Variants in KCNH1 observed in about 807,000 individuals in gnomAD.
KCNH1 encodes the protein voltage-gated delayed rectifier potassium channel KCNH1.
In KCNH1, 27 loss-of-function variants were observed where a neutral mutation model predicts 69.2. The observed-to-expected ratio is 0.39, with a 90% CI of 0.29 to 0.54. KCNH1 has a LOEUF of 0.54. KCNH1 is among the 20% of genes least tolerant of loss of function. The pLI is 0.68. For missense variants in KCNH1, 798 were observed against 1,261.6 expected (o/e 0.63, Z 5.57); for synonymous variants, 456 against 487.7 (o/e 0.93, Z 0.86).
intron 10 of KCNH1, among the ~76,000 whole-genome samples, chr1:210,763,333 T>A (rs1259100366): frequency 6.6e-6 from 1 of 152,130 alleles, no homozygotes; most frequent in Non-Finnish European, 1.5e-5. Context: ...ATGTTCACTC[T>A]CATCACTCCT....
intron 5 of KCNH1, among the ~76,000 whole-genome samples, chr1:211,041,313 G>C (rs1689991111): frequency 6.6e-6 from 1 of 152,134 alleles, no homozygotes. Flanking sequence ...CTCCTTGCTT[G>C]GCTTTCCTAA....
chr1:210,751,090 T>C (rs994296550), intron 10 of KCNH1, among the ~76,000 whole-genome samples: 3 of 152,142 alleles, frequency 2.0e-5, no homozygotes, highest in Admixed American at 6.5e-5. Flanking sequence ...GGAGGAGGCA[T>C]CTTTGAGTTG....
At chr1:210,780,811 G>A (rs576043212) in intron 9 of KCNH1, among the ~76,000 whole-genome samples, 1 of 152,172 alleles carries the variant, frequency 6.6e-6, no homozygotes, top group East Asian at 1.9e-4. Flanking sequence ...ACTTTGGGAG[G>A]CCGAGGCGGG....
intron 9 of KCNH1, among the ~76,000 whole-genome samples, chr1:210,791,885 CTG>C: frequency 1.3e-5 from 2 of 152,244 alleles, no homozygotes; most frequent in East Asian, 3.9e-4. Context: ...AAATTAGGAA[CTG>C]TGACAAGGAG....
At chr1:211,019,297 T>A in intron 5 of KCNH1, 41 bp from the exon 6 acceptor site, 1 of 1,327,732 alleles carries the variant, frequency 7.5e-7, no homozygotes, top group Non-Finnish European at 1.0e-6. Context: ...TAAGTTAGGA[T>A]TTAATTGCAA....
chr1:211,028,933 C>T (rs1689732023), intron 5 of KCNH1, among the ~76,000 whole-genome samples: 2 of 151,944 alleles, frequency 1.3e-5, no homozygotes, highest in Admixed American at 1.3e-4. Context: ...TACCCTGATT[C>T]CCAAAACCAA....
At chr1:210,803,703 CCTG>C (rs1684473702) in intron 8 of KCNH1, among the ~76,000 whole-genome samples, 3 of 152,280 alleles carry the variant, frequency 2.0e-5, no homozygotes, top group African/African-American at 7.2e-5. Context: ...GAAATTCTAC[CCTG>C]GACAGTTAGA....
chr1:210,908,099 G>A (rs1039152850), intron 7 of KCNH1, among the ~76,000 whole-genome samples: 5 of 152,156 alleles, frequency 3.3e-5, no homozygotes, highest in East Asian at 1.9e-4. Flanking sequence ...TTAGCACAAC[G>A]GAGGAAATGA....
rs140841906 is a variant in KCNH1 at position 211,006,494 on chromosome 1, G to A, written c.1032+12289C>T. On this transcript the variant is annotated intron_variant, in intron 6 of 10. Transcript: ENST00000271751. The stretch of plus-strand genomic sequence containing the variant: ...TAATTTATATGAAGATCAGAAATAG[G>A]CAAAATAAAAACTCTAGCGTTAGAA... 5.3e-3 allele frequency among the ~76,000 whole-genome samples: 803 copies of A among 152,208 alleles called. 6 individuals are homozygous for A. The highest frequency in any genetic ancestry group is 8.0e-3 in the Non-Finnish European group (541 of 67,994).
At chr1:211,120,304 T>A (rs949016181) in intron 1 of KCNH1, among the ~76,000 whole-genome samples, 40 of 151,926 alleles carry the variant, frequency 2.6e-4, no homozygotes, top group African/African-American at 9.4e-4. Flanking sequence ...ATTCTCCTGC[T>A]TCAGCCTCCT....
chr1:210,930,682 G>A (rs1687664481), intron 6 of KCNH1, among the ~76,000 whole-genome samples: 1 of 151,940 alleles, frequency 6.6e-6, no homozygotes, highest in African/African-American at 2.4e-5. Context: ...AAGATAAATA[G>A]GTGGGACTTA....
At chr1:211,091,004 C>A (rs915502917) in intron 3 of KCNH1, among the ~76,000 whole-genome samples, 2 of 152,114 alleles carry the variant, frequency 1.3e-5, no homozygotes, top group Non-Finnish European at 2.9e-5. Flanking sequence ...GTACAAAGAC[C>A]TAAAGACTTA....
intron 6 of KCNH1, among the ~76,000 whole-genome samples, chr1:210,996,363 C>T (rs571072076): frequency 1.1e-4 from 16 of 152,186 alleles, no homozygotes; most frequent in Admixed American, 5.2e-4. Context: ...GAGGGTCCTA[C>T]GCCCATGGAG....
chr1:211,100,729 A>G (rs1375350011), intron 3 of KCNH1, among the ~76,000 whole-genome samples: 3 of 152,174 alleles, frequency 2.0e-5, no homozygotes, highest in East Asian at 1.9e-4. Context: ...GGCTGGGTGC[A>G]AGGGGTAGAG....
intron 6 of KCNH1, among the ~76,000 whole-genome samples, 161 bp from the exon 7 acceptor site, chr1:210,920,230 G>A (rs1477091709): frequency 1.3e-5 from 2 of 152,146 alleles, no homozygotes; most frequent in East Asian, 1.9e-4. Context: ...ATTCCAAGAT[G>A]TATGGAATGG....
intron 5 of KCNH1, among the ~76,000 whole-genome samples, chr1:211,081,465 TG>T (rs1690858429): frequency 6.6e-6 from 1 of 152,230 alleles, no homozygotes. Flanking sequence ...ATCCCATTAC[TG>T]GGTATATACC....
intron 6 of KCNH1, among the ~76,000 whole-genome samples, chr1:210,967,871 T>C (rs75760228): frequency 0.029 from 3,903 of 135,310 alleles, 91 homozygotes; most frequent in South Asian, 0.12. Context: ...TTTTTTTTCT[T>C]TTTTTTTTAT....
At chr1:210,895,119 T>C (rs1686835576) in intron 7 of KCNH1, among the ~76,000 whole-genome samples, 1 of 152,152 alleles carries the variant, frequency 6.6e-6, no homozygotes, top group South Asian at 2.1e-4. Context: ...CTTGAAAGTA[T>C]TGTTTTATAT....
intron 1 of KCNH1, among the ~76,000 whole-genome samples, chr1:211,122,077 G>C (rs1412304859): frequency 6.6e-6 from 1 of 152,086 alleles, no homozygotes; most frequent in African/African-American, 2.4e-5. Context: ...GGCGGGGCTT[G>C]CAGTGAGCCA....
Sources: gnomAD v4.1 joint callset for allele counts (sites outside exome capture counted in the v4.1 genomes callset) on GRCh38, gnomAD v4.1.1 for gene constraint, MANE v1.5 for transcripts, NCBI Gene and HGNC (gene_info 2026-07-23, HGNC 2026-07-21) for gene names.